Variants in ADAMTS19 observed in about 807,000 individuals in gnomAD.
ADAMTS19 encodes the protein ADAM metallopeptidase with thrombospondin type 1 motif 19.
In ADAMTS19, 93 loss-of-function variants were observed where a neutral mutation model predicts 153.3. The observed-to-expected ratio is 0.61, with a 90% CI of 0.51 to 0.72. The LOEUF (loss-of-function observed/expected upper bound fraction) is 0.72, where lower values mean the gene tolerates loss of function less well. Among genes scored for constraint, ADAMTS19 ranks in the 30% least tolerant of loss-of-function variants. The pLI is 0.00. For missense variants in ADAMTS19, 1,482 were observed against 1,552.1 expected (o/e 0.95, Z 0.76); for synonymous variants, 600 against 556.6 (o/e 1.08, Z -1.10).
At position 129,567,554 on chromosome 5, in the gene ADAMTS19, G is replaced by A. The variant is rs771814355; in HGVS notation, c.1372+15647G>A. 1.4e-3 allele frequency among the ~76,000 whole-genome samples: 207 copies of A among 152,066 alleles called. 7 individuals are homozygous for A. Among genetic ancestry groups the A allele is most frequent in the Middle Eastern group, 3.4e-3 (1 of 294 alleles). On this transcript the variant is annotated intron_variant, in intron 7 of 22. Coordinates refer to ENST00000274487, the MANE Select transcript of ADAMTS19 (RefSeq NM_133638.6). The stretch of plus-strand genomic sequence containing the variant: ...TTTTAGAATTAAGAATAAAATAATT[G>A]GAATAAAATCTCTCTGGATAAGCTG...
intron 18 of ADAMTS19, among the ~76,000 whole-genome samples, chr5:129,686,698 G>T (rs1170931184): frequency 6.6e-6 from 1 of 152,112 alleles, no homozygotes; most frequent in Non-Finnish European, 1.5e-5. Flanking sequence ...TTGGCAGAGG[G>T]CTCAGAGCTT....
chr5:129,491,238 G>C (rs1036009192), intron 2 of ADAMTS19, among the ~76,000 whole-genome samples: 4 of 152,074 alleles, frequency 2.6e-5, no homozygotes, highest in Non-Finnish European at 2.9e-5. Context: ...TCCTGACCTT[G>C]TGATCCACTC....
intron 3 of ADAMTS19, among the ~76,000 whole-genome samples, chr5:129,523,761 T>A (rs1409566979): frequency 6.6e-6 from 1 of 151,866 alleles, no homozygotes; most frequent in Non-Finnish European, 1.5e-5. Context: ...GCAAGGGACA[T>A]GAAGGACCTC....
At chr5:129,551,340 A>G (rs1301309312) in intron 6 of ADAMTS19, among the ~76,000 whole-genome samples, 1 of 151,726 alleles carries the variant, frequency 6.6e-6, no homozygotes, top group Non-Finnish European at 1.5e-5. Flanking sequence ...AAAATATTAT[A>G]CATAGATCCC....
intron 8 of ADAMTS19, among the ~76,000 whole-genome samples, chr5:129,608,114 G>GTATATATATATATATATA (rs1235116462): frequency 1.0e-3 from 29 of 28,728 alleles, no homozygotes; most frequent in African/African-American, 1.6e-3. Flanking sequence ...GTGTGTGTGT[G>GTATATATATATATATATA]TGTATATATA....
At chr5:129,704,025 C>T (rs1206657919) in intron 20 of ADAMTS19, among the ~76,000 whole-genome samples, 2 of 152,080 alleles carry the variant, frequency 1.3e-5, no homozygotes, top group Non-Finnish European at 2.9e-5. Context: ...ATTTCTGAAA[C>T]CACTTATCTC....
At chr5:129,641,364 C>T (rs918997334) in intron 10 of ADAMTS19, among the ~76,000 whole-genome samples, 2 of 152,138 alleles carry the variant, frequency 1.3e-5, no homozygotes, top group Non-Finnish European at 2.9e-5. Context: ...AACATACACA[C>T]TAAGACTATA....
intron 6 of ADAMTS19, among the ~76,000 whole-genome samples, chr5:129,538,436 C>T (rs1752538344): frequency 6.6e-6 from 1 of 151,920 alleles, no homozygotes; most frequent in African/African-American, 2.4e-5. Flanking sequence ...TCTTTCAAAA[C>T]TCTAAAAAAA....
chr5:129,665,881 C>CATATATATAT (rs3979171), intron 16 of ADAMTS19, among the ~76,000 whole-genome samples: 30 of 143,664 alleles, frequency 2.1e-4, no homozygotes, highest in African/African-American at 7.0e-4. Context: ...GATTTATATT[C>CATATATATAT]ATATATATAT....
At chr5:129,594,612 A>C (rs1318424218) in intron 7 of ADAMTS19, among the ~76,000 whole-genome samples, 2 of 151,704 alleles carry the variant, frequency 1.3e-5, no homozygotes, top group Admixed American at 1.3e-4. Context: ...CTTCCATTTG[A>C]TTATAATGCA....
intron 6 of ADAMTS19, among the ~76,000 whole-genome samples, chr5:129,544,813 G>C (rs1024783467): frequency 6.6e-6 from 1 of 152,164 alleles, no homozygotes; most frequent in Non-Finnish European, 1.5e-5. Flanking sequence ...ACTGGTAAAA[G>C]TTCTGCCAGC....
At chr5:129,708,546 C>G (rs1168686961) in intron 21 of ADAMTS19, among the ~76,000 whole-genome samples, 1 of 120,622 alleles carries the variant, frequency 8.3e-6, no homozygotes, top group Non-Finnish European at 1.6e-5. Flanking sequence ...TTTATTTAAA[C>G]TTCTGCAACT....
intron 15 of ADAMTS19, among the ~76,000 whole-genome samples, chr5:129,664,757 T>C (rs1195090982): frequency 1.3e-5 from 2 of 152,262 alleles, no homozygotes; most frequent in Middle Eastern, 3.4e-3. Flanking sequence ...AAAGTAGGCA[T>C]CTGTTCTCAC....
intron 10 of ADAMTS19, among the ~76,000 whole-genome samples, chr5:129,637,840 C>T (rs375132046): frequency 1.3e-5 from 2 of 152,198 alleles, no homozygotes; most frequent in East Asian, 1.9e-4. Context: ...AAGAGCGAGA[C>T]TCTGTCTCCA....
chr5:129,670,696 T>A (rs1754263757), intron 16 of ADAMTS19, among the ~76,000 whole-genome samples: 1 of 152,200 alleles, frequency 6.6e-6, no homozygotes, highest in Admixed American at 6.5e-5. Flanking sequence ...TTATCCCATA[T>A]AACCTCTTTT....
intron 12 of ADAMTS19, 135 bp downstream of exon 12, chr5:129,648,030 A>G (rs1157716677): frequency 1.1e-6 from 1 of 937,370 alleles, no homozygotes; most frequent in Non-Finnish European, 1.5e-6. Context: ...AAGTCCTTCA[A>G]ATTATTTATT....
At chr5:129,488,289 C>T (rs113101892) in intron 2 of ADAMTS19, among the ~76,000 whole-genome samples, 3,382 of 152,068 alleles carry the variant, frequency 0.022, 141 homozygotes, top group African/African-American at 0.076. Context: ...TTTCATTTCA[C>T]GAACAAAAAG....
intron 13 of ADAMTS19, among the ~76,000 whole-genome samples, 166 bp from the exon 14 acceptor site, chr5:129,654,140 T>G (rs1250740498): frequency 6.6e-6 from 1 of 152,172 alleles, no homozygotes; most frequent in Non-Finnish European, 1.5e-5. Context: ...GGCACCTAAT[T>G]TATTGCACAT....
At chr5:129,604,206 C>T (rs1274297681) in intron 8 of ADAMTS19, among the ~76,000 whole-genome samples, 7 of 44,358 alleles carry the variant, frequency 1.6e-4, no homozygotes, top group Middle Eastern at 8.6e-3. Flanking sequence ...CCATGGCACA[C>T]GTTTTACCTA....
Sources: gnomAD v4.1 joint callset for allele counts (sites outside exome capture counted in the v4.1 genomes callset) on GRCh38, gnomAD v4.1.1 for gene constraint, MANE v1.5 for transcripts, NCBI Gene and HGNC (gene_info 2026-07-23, HGNC 2026-07-21) for gene names.